The following KCNMA1 variants were observed in gnomAD, a reference collection of about 807,000 sequenced individuals.
KCNMA1 encodes the protein Calcium-activated potassium channel subunit alpha-1.
KCNMA1 carries 29 observed loss-of-function variants against 140.0 expected under a neutral mutation model. That is an observed-to-expected ratio of 0.21 (90% CI 0.15 to 0.28). The LOEUF (loss-of-function observed/expected upper bound fraction) is 0.28, where lower values mean the gene tolerates loss of function less well. Among genes scored for constraint, KCNMA1 ranks in the 10% least tolerant of loss-of-function variants. The pLI, the probability that KCNMA1 is intolerant of heterozygous loss-of-function variation, is 1.00. For missense variants in KCNMA1, 880 were observed against 1,602.2 expected (o/e 0.55, Z 7.70); for synonymous variants, 612 against 611.9 (o/e 1.00, Z 0.00).
intron 1 of KCNMA1, among the ~76,000 whole-genome samples, chr10:77,603,112 T>A (rs988034124): frequency 1.3e-5 from 2 of 152,066 alleles, no homozygotes; most frequent in African/African-American, 2.4e-5. Flanking sequence ...GGGAAACAAA[T>A]CAGGCATAAA....
At chr10:77,082,004 TTTC>T (rs199539928) in intron 12 of KCNMA1, among the ~76,000 whole-genome samples, 409 of 37,654 alleles carry the variant, frequency 0.011, 52 homozygotes, top group Non-Finnish European at 0.018. Flanking sequence ...CTTTTTTTCT[TTTC>T]TTTTTTTTTT....
chr10:76,910,663 A>G (rs778169096), intron 24 of KCNMA1: 16 of 187,982 alleles, frequency 8.5e-5, no homozygotes, highest in African/African-American at 1.2e-4. Flanking sequence ...TCCACACCCA[A>G]TAGGCCCTGT....
At chr10:76,941,091 G>GAAAGAA (rs1240828069) in intron 23 of KCNMA1, among the ~76,000 whole-genome samples, 1 of 94,770 alleles carries the variant, frequency 1.1e-5, no homozygotes, top group African/African-American at 4.0e-5. Context: ...GAAAGAGAAA[G>GAAAGAA]AAAGAAAGAA....
Position 77,474,157 on chromosome 10 carries a change from G to A in KCNMA1, c.379-70134C>T, listed in dbSNP as rs974194195. Among the ~76,000 whole-genome samples the A allele has an allele frequency of 2.0e-5, 3 of 152,184 alleles. No individual in the cohort carries two copies. In the South Asian group the frequency reaches 6.2e-4, roughly 32 times the overall value. On this transcript the variant is annotated intron_variant, in intron 1 of 27. Transcript: ENST00000286628. The stretch of plus-strand genomic sequence containing the variant: ...AGGGGTGAAAACGCAAAGTCTACAA[G>A]AGCCAGACACACAGCAAAGACATGT...
intron 5 of KCNMA1, among the ~76,000 whole-genome samples, chr10:77,131,721 T>C (rs2097861098): frequency 6.6e-6 from 1 of 151,970 alleles, no homozygotes; most frequent in South Asian, 2.1e-4. Flanking sequence ...TCCTAGCACT[T>C]TGGGAGGCTG....
chr10:77,273,242 G>A (rs1206307968), intron 2 of KCNMA1, among the ~76,000 whole-genome samples: 1 of 151,298 alleles, frequency 6.6e-6, no homozygotes, highest in Non-Finnish European at 1.5e-5. Flanking sequence ...TTCTCCCTTT[G>A]TTTCTGTTTT....
At chr10:77,223,011 C>T (rs942463342) in intron 3 of KCNMA1, among the ~76,000 whole-genome samples, 2 of 152,074 alleles carry the variant, frequency 1.3e-5, no homozygotes, top group South Asian at 2.1e-4. Context: ...AGGCAGATCA[C>T]AAGGTCAGGA....
intron 14 of KCNMA1, among the ~76,000 whole-genome samples, chr10:77,058,063 G>T (rs928714662): frequency 6.6e-6 from 1 of 150,890 alleles, no homozygotes; most frequent in Non-Finnish European, 1.5e-5. Context: ...ACAAAAAAGA[G>T]GAGAAAAGAT....
intron 3 of KCNMA1, among the ~76,000 whole-genome samples, chr10:77,209,308 C>G (rs1359425030): frequency 6.6e-6 from 1 of 152,166 alleles, no homozygotes; most frequent in African/African-American, 2.4e-5. Flanking sequence ...TAATTGAATT[C>G]TTATAGGCAC....
intron 1 of KCNMA1, among the ~76,000 whole-genome samples, chr10:77,581,644 G>A (rs765661088): frequency 2.6e-5 from 4 of 152,186 alleles, no homozygotes; most frequent in Non-Finnish European, 4.4e-5. Flanking sequence ...CAAACAGTTG[G>A]TGGCCTGGGC....
intron 5 of KCNMA1, among the ~76,000 whole-genome samples, chr10:77,153,729 T>C (rs1002471738): frequency 2.0e-5 from 3 of 152,208 alleles, no homozygotes; most frequent in African/African-American, 4.8e-5. Flanking sequence ...CTCAGATTCA[T>C]AATGGTTTTC....
intron 23 of KCNMA1, among the ~76,000 whole-genome samples, chr10:76,936,454 C>T (rs763932728): frequency 6.6e-5 from 10 of 152,040 alleles, no homozygotes; most frequent in South Asian, 2.1e-4. Context: ...GTTTTTGGGA[C>T]GGAAGCCAAC....
At chr10:77,448,236 C>A (rs1322761771) in intron 1 of KCNMA1, among the ~76,000 whole-genome samples, 1 of 152,172 alleles carries the variant, frequency 6.6e-6, no homozygotes, top group Admixed American at 6.5e-5. Context: ...GAAACACTGT[C>A]TCCTGCATGG....
At chr10:77,132,443 T>A (rs991750019) in intron 5 of KCNMA1, among the ~76,000 whole-genome samples, 1 of 151,520 alleles carries the variant, frequency 6.6e-6, no homozygotes, top group African/African-American at 2.4e-5. Flanking sequence ...ACATTTAAAA[T>A]AACATTAAAG....
chr10:77,409,697 A>C (rs1171889712), intron 1 of KCNMA1, among the ~76,000 whole-genome samples: 1 of 152,188 alleles, frequency 6.6e-6, no homozygotes, highest in Non-Finnish European at 1.5e-5. Context: ...AGCTTGTGCT[A>C]ATCCTAGGAC....
chr10:77,445,379 C>A lies in KCNMA1; in HGVS notation c.379-41356G>T, dbSNP rs181519505. ...GCACATACACAGACACACACACACA[C>A]ACACACACACACACACATATGAAAA... On this transcript the variant is annotated intron_variant, in intron 1 of 27. Transcript: ENST00000286628. Among the ~76,000 whole-genome samples the A allele has an allele frequency of 8.0e-5, 12 of 149,252 alleles. 1 individual carries two copies. The highest frequency in any genetic ancestry group is 8.0e-4 in the Admixed American group (12 of 15,034).
Position 77,636,527 on chromosome 10 carries a change from G to A in KCNMA1, c.378+738C>T, listed in dbSNP as rs1028680550. Reference sequence around the variant, plus strand: ...CCAAAGTGGGTGGCCTGGGGGCAAAGGAACAGAGGCCGAAGAACTTGGGGT... The same window carrying A: ...CCAAAGTGGGTGGCCTGGGGGCAAAAGAACAGAGGCCGAAGAACTTGGGGT... On this transcript the variant is annotated intron_variant, in intron 1 of 27. Coordinates refer to ENST00000286628, the MANE Select transcript of KCNMA1 (RefSeq NM_001161352.2). 3.9e-6 allele frequency: 6 copies of A among 1,536,076 alleles called. No individual in the cohort carries two copies. In the African/African-American group the frequency reaches 8.2e-5, roughly 21 times the overall value.
At chr10:77,496,911 C>T (rs553960512) in intron 1 of KCNMA1, among the ~76,000 whole-genome samples, 4 of 152,278 alleles carry the variant, frequency 2.6e-5, no homozygotes, top group African/African-American at 9.6e-5. Context: ...TCTTCCCACT[C>T]GCCATCCTTA....
intron 1 of KCNMA1, among the ~76,000 whole-genome samples, chr10:77,582,636 C>T (rs986679657): frequency 1.1e-4 from 17 of 152,286 alleles, no homozygotes; most frequent in East Asian, 7.7e-4. Context: ...GCCCTAAATC[C>T]GCTGCTCTAA....
Sources: gnomAD v4.1 joint callset for allele counts (sites outside exome capture counted in the v4.1 genomes callset) on GRCh38, gnomAD v4.1.1 for gene constraint, MANE v1.5 for transcripts, NCBI Gene and HGNC (gene_info 2026-07-23, HGNC 2026-07-21) for gene names.